Variants in ACTR3C observed in about 807,000 individuals in gnomAD.
The protein encoded by ACTR3C is actin-related protein 3C.
ACTR3C carries 18 observed loss-of-function variants against 26.3 expected under a neutral mutation model. The ratio of observed to expected loss-of-function variants is 0.68; its 90% CI spans 0.47 to 1.01. ACTR3C has a LOEUF of 1.01. Ranked by LOEUF, ACTR3C falls within the 50% of genes least tolerant of loss-of-function variation. The pLI is 0.00. For synonymous variants in ACTR3C, 55 were observed against 94.5 expected (o/e 0.58, Z 2.42); for missense variants, 184 against 250.7 (o/e 0.73, Z 1.80).
chr7:150,299,477 AAAAAAAAAAAAAAAAAAC>A (rs1247121248), intron 1 of ACTR3C, among the ~76,000 whole-genome samples: 4 of 146,416 alleles, frequency 2.7e-5, no homozygotes, highest in Admixed American at 6.7e-5. Context: ...AAAAAAAAAA[AAAAAAAAAAAAAAAAAAC>A]AAAAAACAGG....
At chr7:149,886,036 T>C in the ACTR3C span, among the ~76,000 whole-genome samples, 1 of 152,248 alleles carries the variant, frequency 6.6e-6, no homozygotes, top group South Asian at 2.1e-4. Flanking sequence ...AGCACCTGCC[T>C]CATAGAAGTT....
Position 150,247,543 on chromosome 7 carries a change from G to A in ACTR3C, c.*65C>T, listed in dbSNP as rs1293115303. ...ATTTTTATACAAAGAAAAGGGAGAG[G>A]AAGAGAACATTGCTGGCCTTGGAAA... On this transcript the variant is annotated 3_prime_UTR_variant, in exon 8 of 8. Transcript: ENST00000683684. 4 of 136,852 alleles carry A rather than the reference G, an allele frequency of 2.9e-5. No individual in the cohort carries two copies. The highest frequency in any genetic ancestry group is 7.7e-5 in the Admixed American group (1 of 12,992). The allele number at this position is 136,852 out of a possible 1,614,324, so 8.5% of individuals were successfully genotyped here.
chr7:150,098,986 A>G, the ACTR3C span, among the ~76,000 whole-genome samples: 4 of 150,510 alleles, frequency 2.7e-5, no homozygotes, highest in Non-Finnish European at 4.4e-5. Flanking sequence ...CATGACCAGA[A>G]GAAAAGAGAA....
At chr7:149,994,157 T>C in the ACTR3C span, among the ~76,000 whole-genome samples, 1 of 152,178 alleles carries the variant, frequency 6.6e-6, no homozygotes, top group Non-Finnish European at 1.5e-5. Flanking sequence ...ATGAGACTTA[T>C]CCTAAGGATG....
At chr7:149,986,948 C>T in the ACTR3C span, among the ~76,000 whole-genome samples, 2 of 141,784 alleles carry the variant, frequency 1.4e-5, no homozygotes, top group African/African-American at 5.3e-5. Flanking sequence ...TTAGGGTTCC[C>T]TGCATGGGCC....
At chr7:149,927,020 C>T in the ACTR3C span, among the ~76,000 whole-genome samples, 1 of 151,950 alleles carries the variant, frequency 6.6e-6, no homozygotes, top group Admixed American at 6.6e-5. Flanking sequence ...ATGCTGGCAC[C>T]ATGCTCTAAG....
At chr7:150,012,429 C>T in the ACTR3C span, among the ~76,000 whole-genome samples, 1 of 151,830 alleles carries the variant, frequency 6.6e-6, no homozygotes, top group African/African-American at 2.4e-5. Flanking sequence ...ATTCTCCTGC[C>T]TCAGCCTCCC....
the ACTR3C span, among the ~76,000 whole-genome samples, chr7:149,953,017 C>T: frequency 0.072 from 10,885 of 150,196 alleles, 1,201 homozygotes; most frequent in African/African-American, 0.24. Flanking sequence ...GTACGAAAAA[C>T]GGCACAAAGG....
At chr7:150,060,112 C>T in the ACTR3C span, among the ~76,000 whole-genome samples, 1 of 152,194 alleles carries the variant, frequency 6.6e-6, no homozygotes, top group East Asian at 1.9e-4. Context: ...CTTAATCCAG[C>T]CCATAGAATT....
chr7:149,997,781 A>G, the ACTR3C span, among the ~76,000 whole-genome samples: 1 of 150,148 alleles, frequency 6.7e-6, no homozygotes, highest in Non-Finnish European at 1.5e-5. Context: ...CTGCATCAGT[A>G]TATTAGAACA....
At chr7:149,921,468 A>G in the ACTR3C span, among the ~76,000 whole-genome samples, 1 of 152,240 alleles carries the variant, frequency 6.6e-6, no homozygotes, top group Non-Finnish European at 1.5e-5. Context: ...TATGGATGTC[A>G]GCTGACCTCC....
chr7:149,935,778 T>A, the ACTR3C span, among the ~76,000 whole-genome samples: 1 of 151,750 alleles, frequency 6.6e-6, no homozygotes, highest in African/African-American at 2.4e-5. Flanking sequence ...TCTGCTGTTG[T>A]TTTTATGACC....
the ACTR3C span, among the ~76,000 whole-genome samples, chr7:150,224,111 G>A: frequency 6.6e-6 from 1 of 152,188 alleles, no homozygotes; most frequent in East Asian, 1.9e-4. Context: ...TGTATAACCT[G>A]ATCTTGGAAG....
At chr7:150,013,314 C>T in the ACTR3C span, among the ~76,000 whole-genome samples, 1 of 150,976 alleles carries the variant, frequency 6.6e-6, no homozygotes, top group East Asian at 1.9e-4. Flanking sequence ...TATTTAAACT[C>T]CCAAGCATCT....
chr7:150,099,366 G>A, the ACTR3C span, among the ~76,000 whole-genome samples: 1 of 147,884 alleles, frequency 6.8e-6, no homozygotes, highest in African/African-American at 2.6e-5. Context: ...TATTGATTAG[G>A]GCATGAAAAG....
intron 4 of ACTR3C, among the ~76,000 whole-genome samples, chr7:150,287,582 C>T (rs1355370712): frequency 2.0e-5 from 3 of 152,198 alleles, no homozygotes; most frequent in East Asian, 1.9e-4. Flanking sequence ...GCCCAGCTGG[C>T]GCTGAGCACA....
At chr7:150,095,360 C>T in the ACTR3C span, among the ~76,000 whole-genome samples, 88 of 150,648 alleles carry the variant, frequency 5.8e-4, 2 homozygotes, top group South Asian at 9.1e-3. Context: ...CCAGGCCAAC[C>T]GGGGAAGCCC....
At chr7:149,986,805 T>A in the ACTR3C span, among the ~76,000 whole-genome samples, 5 of 148,848 alleles carry the variant, frequency 3.4e-5, no homozygotes, top group African/African-American at 5.0e-5. Context: ...TTACCTTGAC[T>A]TGTGTGACTG....
chr7:149,886,779 AACCCTGTCTCC>A, the ACTR3C span, among the ~76,000 whole-genome samples: 1 of 152,094 alleles, frequency 6.6e-6, no homozygotes, highest in South Asian at 2.1e-4. Context: ...GTCATAGTGA[AACCCTGTCTCC>A]ACTAAAAATA....
Sources: allele counts gnomAD v4.1 joint callset (sites outside exome capture counted in the v4.1 genomes callset), GRCh38; gene constraint gnomAD v4.1.1; transcripts MANE v1.5; gene names NCBI Gene and HGNC (gene_info 2026-07-23, HGNC 2026-07-21).